The following SGCD variants were observed in gnomAD, a reference collection of about 807,000 sequenced individuals.
The protein encoded by SGCD is delta-sarcoglycan.
A neutral mutation model predicts 36.6 loss-of-function variants in SGCD; 18 were observed. The ratio of observed to expected loss-of-function variants is 0.49; its 90% confidence interval spans 0.34 to 0.73. The LOEUF (loss-of-function observed/expected upper bound fraction) is 0.73, where lower values mean the gene tolerates loss of function less well. Among genes scored for constraint, SGCD ranks in the 30% least tolerant of loss-of-function variants. SGCD has a pLI of 0.01. For missense variants in SGCD, 387 were observed against 346.7 expected (o/e 1.12, Z -0.92); for synonymous variants, 133 against 130.6 (o/e 1.02, Z -0.12).
chr5:156,743,611 T>C (rs1170022171), intron 7 of SGCD, among the ~76,000 whole-genome samples: 1 of 152,200 alleles, frequency 6.6e-6, no homozygotes, highest in African/African-American at 2.4e-5. Flanking sequence ...AATGATGTTT[T>C]GTAATGGCCA....
chr5:155,991,156 A>C (rs190312921), intron 1 of SGCD, among the ~76,000 whole-genome samples: 1 of 152,312 alleles, frequency 6.6e-6, no homozygotes, highest in African/African-American at 2.4e-5. Context: ...ATATCTGTGA[A>C]AATGCTTAGA....
chr5:156,390,022 T>C (rs976835854), intron 3 of SGCD, among the ~76,000 whole-genome samples: 5 of 152,186 alleles, frequency 3.3e-5, no homozygotes, highest in African/African-American at 9.6e-5. Flanking sequence ...TCTTATGGTA[T>C]TGAAACATGT....
At chr5:155,812,355 C>G in the SGCD span, among the ~76,000 whole-genome samples, 2 of 152,240 alleles carry the variant, frequency 1.3e-5, no homozygotes, top group South Asian at 4.1e-4. Context: ...TTCATAGGCT[C>G]TCCGCAGAGG....
At chr5:155,750,722 G>A in the SGCD span, among the ~76,000 whole-genome samples, 3 of 152,214 alleles carry the variant, frequency 2.0e-5, no homozygotes, top group Admixed American at 6.5e-5. Context: ...TCTTTGTAGA[G>A]TAGCAAACAC....
At chr5:156,237,585 A>G (rs1765198807) in intron 3 of SGCD, among the ~76,000 whole-genome samples, 2 of 152,160 alleles carry the variant, frequency 1.3e-5, no homozygotes, top group South Asian at 2.1e-4. Context: ...AGATCACGCC[A>G]CTGAACACCA....
intron 1 of SGCD, among the ~76,000 whole-genome samples, chr5:155,958,065 A>T (rs1230043402): frequency 6.6e-6 from 1 of 152,180 alleles, no homozygotes; most frequent in South Asian, 2.1e-4. Flanking sequence ...ATGTCCTCTG[A>T]GAGAATAAGG....
intron 1 of SGCD, among the ~76,000 whole-genome samples, chr5:155,967,199 G>A (rs1038605230): frequency 3.9e-5 from 6 of 151,958 alleles, no homozygotes; most frequent in Admixed American, 3.9e-4. Flanking sequence ...AGCTGCCTGG[G>A]GAATTGAGGC....
the SGCD span, among the ~76,000 whole-genome samples, chr5:155,773,753 G>A: frequency 6.6e-6 from 1 of 152,138 alleles, no homozygotes; most frequent in African/African-American, 2.4e-5. Flanking sequence ...TTGGATCAAG[G>A]GTTGAAGAGT....
In SGCD at chr5:156,448,642, G is replaced by A. The variant is rs148238972; in HGVS notation, c.193-59959G>A. The stretch of plus-strand genomic sequence containing the variant: ...ACCCTCTTGGCAGTTGCCTGTTCCA[G>A]GGACAGGCAACTCATGGTGATGTGT... On this transcript the variant is annotated intron_variant, in intron 3 of 8. Transcript: ENST00000337851. 9.5e-3 allele frequency among the ~76,000 whole-genome samples: 1,439 copies of A among 151,976 alleles called. 26 individuals are homozygous for A. The highest frequency in any genetic ancestry group is 0.033 in the African/African-American group (1,365 of 41,458).
At chr5:156,092,352 A>T (rs1761265394) in intron 1 of SGCD, among the ~76,000 whole-genome samples, 1 of 152,160 alleles carries the variant, frequency 6.6e-6, no homozygotes, top group African/African-American at 2.4e-5. Flanking sequence ...GCAGAGACAC[A>T]TTATATCCAC....
At position 156,393,672 on chromosome 5, in the gene SGCD, A is replaced by G. The variant is rs1309486740; in HGVS notation, c.192+48995A>G. Reference sequence around the variant, plus strand: ...ACCACAGAAATTGGCAAGCACTACAAATTAAGATCATCCATCTCCCAGAGC... The same window carrying G: ...ACCACAGAAATTGGCAAGCACTACAGATTAAGATCATCCATCTCCCAGAGC... On this transcript the variant is annotated intron_variant, in intron 3 of 8. Coordinates refer to ENST00000337851, the MANE Select transcript of SGCD (RefSeq NM_000337.6). The G allele has an allele frequency of 1.1e-5, 5 of 453,072 alleles. 1 individual carries two copies. Among genetic ancestry groups the G allele is most frequent in the South Asian group, 7.8e-5 (5 of 64,254 alleles). 28.1% of individuals were successfully genotyped at this position (453,072 alleles called of 1,614,324 possible). A position where few individuals can be genotyped will look rare whatever the true frequency, so the allele number is the denominator to read the frequency against.
chr5:156,007,439 C>T (rs1044862982), intron 1 of SGCD, among the ~76,000 whole-genome samples: 8 of 152,184 alleles, frequency 5.3e-5, no homozygotes, highest in African/African-American at 1.9e-4. Flanking sequence ...AAAAACAAAG[C>T]AGCTAAGTTT....
intron 4 of SGCD, among the ~76,000 whole-genome samples, chr5:156,586,461 G>A (rs1206376261): frequency 2.6e-5 from 4 of 151,990 alleles, no homozygotes; most frequent in Admixed American, 6.5e-5. Context: ...CTTTCTATAC[G>A]GTGCTCTTTG....
intron 7 of SGCD, among the ~76,000 whole-genome samples, chr5:156,731,128 T>C (rs1756038830): frequency 6.6e-6 from 1 of 152,096 alleles, no homozygotes; most frequent in Non-Finnish European, 1.5e-5. Flanking sequence ...AATATCTAGC[T>C]TCTAGAAGGA....
chr5:156,161,875 A>G lies in SGCD; in HGVS notation c.-44+37856A>G, dbSNP rs552077751. On this transcript the variant is annotated intron_variant, in intron 3 of 9. Transcript: ENST00000517913. ...AAGTCACAAAGTCAGATGTATGAAA[A>G]TGTAACTCTCTTTTTCTACAGCCTC... is the stretch of plus-strand genomic sequence containing the variant. Among the ~76,000 whole-genome samples the G allele has an allele frequency of 5.3e-5, 8 of 151,824 alleles. No homozygotes were observed. In the South Asian group the frequency reaches 1.2e-3, roughly 24 times the overall value.
chr5:155,889,002 T>A (rs980975691), intron 1 of SGCD, among the ~76,000 whole-genome samples: 3 of 152,248 alleles, frequency 2.0e-5, no homozygotes, highest in African/African-American at 4.8e-5. Context: ...ACGAAGTGAC[T>A]TTTTCCTTCT....
the SGCD span, among the ~76,000 whole-genome samples, chr5:155,791,639 A>G: frequency 6.6e-6 from 1 of 152,146 alleles, no homozygotes; most frequent in African/African-American, 2.4e-5. Flanking sequence ...AGCCAAATCA[A>G]GAACACAGTC....
intron 3 of SGCD, among the ~76,000 whole-genome samples, chr5:156,495,009 C>T (rs1756119848): frequency 6.6e-6 from 1 of 152,078 alleles, no homozygotes; most frequent in Admixed American, 6.6e-5. Flanking sequence ...CTGTGTGATG[C>T]TCTGGGAAAA....
At chr5:155,905,171 G>T (rs1321153243) in intron 1 of SGCD, among the ~76,000 whole-genome samples, 1 of 152,144 alleles carries the variant, frequency 6.6e-6, no homozygotes, top group South Asian at 2.1e-4. Flanking sequence ...GCAGACCTGA[G>T]AATTCTGGAA....
Sources: gnomAD v4.1 joint callset for allele counts (sites outside exome capture counted in the v4.1 genomes callset) on GRCh38, gnomAD v4.1.1 for gene constraint, MANE v1.5 for transcripts, NCBI Gene and HGNC (gene_info 2026-07-23, HGNC 2026-07-21) for gene names.